The following KALRN variants were observed in gnomAD, a reference collection of about 807,000 sequenced individuals.
KALRN encodes the protein kalirin.
In KALRN, 70 loss-of-function variants were observed where a neutral mutation model predicts 353.7. That is an observed-to-expected ratio of 0.20 (90% confidence interval 0.16 to 0.24). KALRN has a LOEUF of 0.24. Ranked by LOEUF, KALRN falls within the 10% of genes least tolerant of loss-of-function variation. The pLI is 1.00. For missense variants in KALRN, 2,791 were observed against 3,756.7 expected (o/e 0.74, Z 6.72); for synonymous variants, 1,391 against 1,434.8 (o/e 0.97, Z 0.69).
chr3:124,593,683 A>G (rs528560513), intron 34 of KALRN, among the ~76,000 whole-genome samples: 4 of 152,186 alleles, frequency 2.6e-5, no homozygotes, highest in Non-Finnish European at 5.9e-5. Context: ...GAGACATTGT[A>G]GAGGCCCATT....
chr3:124,114,545 A>G (rs760377313), intron 1 of KALRN, among the ~76,000 whole-genome samples: 2 of 152,142 alleles, frequency 1.3e-5, no homozygotes, highest in Admixed American at 6.5e-5. Context: ...TGGCACTTGG[A>G]ATATTGGGGA....
At position 124,719,724 on chromosome 3, in the gene KALRN, G is replaced by T; in HGVS notation, c.*254G>T. 2.4e-6 allele frequency: 1 copy of T among 423,320 alleles called. No homozygotes were observed. Among genetic ancestry groups the T allele is most frequent in the Non-Finnish European group, 4.3e-6 (1 of 234,528 alleles). The allele number at this position is 423,320 out of a possible 1,614,324, so 26.2% of individuals were successfully genotyped here. On this transcript the variant is annotated 3_prime_UTR_variant, in exon 60 of 60. Coordinates refer to ENST00000682506, the MANE Select transcript of KALRN (RefSeq NM_001388419.1). The surrounding 1 kb of genome is among the most constrained non-coding windows in gnomAD (Gnocchi z 5.3). Reference sequence around the variant, plus strand: ...GGGTCACAGAAGTGTTCAGAAGAAGGGCAAAGATAAGAACAATATTAGCTG... The same window carrying T: ...GGGTCACAGAAGTGTTCAGAAGAAGTGCAAAGATAAGAACAATATTAGCTG...
intron 17 of KALRN, among the ~76,000 whole-genome samples, chr3:124,435,088 G>C (rs1221228409): frequency 6.6e-6 from 1 of 152,188 alleles, no homozygotes; most frequent in Non-Finnish European, 1.5e-5. Context: ...GTCTTTGCTT[G>C]TGTCATATTC....
intron 35 of KALRN, 148 bp from the exon 36 acceptor site, chr3:124,633,704 T>C (rs1474595406): frequency 1.6e-6 from 1 of 625,902 alleles, no homozygotes. Context: ...GGTGTATCCA[T>C]GTATCAAAAG....
chr3:124,455,029 C>G, intron 21 of KALRN, 148 bp from the exon 22 acceptor site: 1 of 731,908 alleles, frequency 1.4e-6, no homozygotes, highest in Non-Finnish European at 2.2e-6. Flanking sequence ...CTCGAGATCT[C>G]CCAGTTAGTA....
chr3:124,158,684 C>T (rs557688601), intron 1 of KALRN, among the ~76,000 whole-genome samples: 5 of 152,196 alleles, frequency 3.3e-5, no homozygotes, highest in African/African-American at 1.2e-4. Context: ...CCTCCTCCCC[C>T]CACCACCCGC....
intron 1 of KALRN, among the ~76,000 whole-genome samples, chr3:124,085,075 T>A (rs982389907): frequency 6.6e-6 from 1 of 152,178 alleles, no homozygotes; most frequent in African/African-American, 2.4e-5. Flanking sequence ...TTCCCCCACC[T>A]GATGCATAAA....
At chr3:124,653,946 A>C (rs1006251818) in intron 38 of KALRN, among the ~76,000 whole-genome samples, 20 of 152,170 alleles carry the variant, frequency 1.3e-4, no homozygotes, top group African/African-American at 4.6e-4. Flanking sequence ...TTAACCCTTC[A>C]AGGGAAGAGA....
At chr3:124,182,421 G>A (rs1201998679) in intron 1 of KALRN, among the ~76,000 whole-genome samples, 1 of 152,196 alleles carries the variant, frequency 6.6e-6, no homozygotes, top group Non-Finnish European at 1.5e-5. Flanking sequence ...TTGGGGCTGA[G>A]GGTCTCAGTT....
intron 34 of KALRN, among the ~76,000 whole-genome samples, chr3:124,574,644 A>G (rs2073904652): frequency 6.6e-6 from 1 of 152,214 alleles, no homozygotes; most frequent in Non-Finnish European, 1.5e-5. Flanking sequence ...TACCCCAGCA[A>G]ACAGAATGTT....
At position 124,645,737 on chromosome 3, in the gene KALRN, C is replaced by T. The variant is rs75570092; in HGVS notation, c.5665-5071C>T. Among the ~76,000 whole-genome samples, 1,099 of 151,844 alleles carry T rather than the reference C, an allele frequency of 7.2e-3. 17 individuals are homozygous for T. Among genetic ancestry groups the T allele is most frequent in the African/African-American group, 0.024 (1,013 of 41,394 alleles). The stretch of plus-strand genomic sequence containing the variant: ...AACACTTAGGGGTTTCCATAGCATA[C>T]TATTGTAAATAATACTGCAATGAAC... On this transcript the variant is annotated intron_variant, in intron 37 of 59. Coordinates refer to ENST00000682506, the MANE Select transcript of KALRN (RefSeq NM_001388419.1).
At chr3:124,348,961 C>T (rs1272178202) in intron 10 of KALRN, among the ~76,000 whole-genome samples, 1 of 152,150 alleles carries the variant, frequency 6.6e-6, no homozygotes, top group Non-Finnish European at 1.5e-5. Flanking sequence ...TCAAGTGATC[C>T]ACCCACCTCA....
chr3:124,447,623 A>G (rs1412867075), intron 21 of KALRN, among the ~76,000 whole-genome samples: 1 of 152,174 alleles, frequency 6.6e-6, no homozygotes, highest in Non-Finnish European at 1.5e-5. Flanking sequence ...TCACTTCCAC[A>G]CAAAACATAT....
intron 1 of KALRN, among the ~76,000 whole-genome samples, chr3:124,098,808 A>G (rs1478159061): frequency 6.6e-6 from 1 of 152,246 alleles, no homozygotes; most frequent in African/African-American, 2.4e-5. Context: ...AAGCATAAGT[A>G]AAAAAGAGTC....
At chr3:124,628,129 T>C (rs1341738409) in intron 34 of KALRN, among the ~76,000 whole-genome samples, 6 of 145,766 alleles carry the variant, frequency 4.1e-5, no homozygotes, top group African/African-American at 7.6e-5. Context: ...TCCATTCACC[T>C]TTCCTTCCAT....
intron 6 of KALRN, among the ~76,000 whole-genome samples, chr3:124,325,703 A>T (rs886255600): frequency 1.3e-5 from 2 of 152,204 alleles, no homozygotes; most frequent in Non-Finnish European, 2.9e-5. Flanking sequence ...AAGATTACAT[A>T]AAGTAGTCCA....
At chr3:124,340,186 G>C (rs573580916) in intron 9 of KALRN, among the ~76,000 whole-genome samples, 87 of 152,300 alleles carry the variant, frequency 5.7e-4, no homozygotes, top group African/African-American at 2.1e-3. Context: ...GGTGATGAGT[G>C]AGTGGAGAGC....
chr3:124,699,701 G>A (rs1026537640), intron 55 of KALRN, among the ~76,000 whole-genome samples, 168 bp from the exon 56 acceptor site: 1 of 152,194 alleles, frequency 6.6e-6, no homozygotes, highest in Non-Finnish European at 1.5e-5. Flanking sequence ...TTAGGAAACC[G>A]AATCCAAACT....
intron 6 of KALRN, among the ~76,000 whole-genome samples, chr3:124,305,477 A>G (rs924199967): frequency 3.3e-5 from 5 of 152,234 alleles, no homozygotes; most frequent in Admixed American, 2.6e-4. Context: ...GTTGAAAACA[A>G]TAGAGCAATC....
Sources: allele counts gnomAD v4.1 joint callset (sites outside exome capture counted in the v4.1 genomes callset), GRCh38; gene constraint gnomAD v4.1.1; non-coding constraint Gnocchi (gnomAD v3.1); transcripts MANE v1.5; gene names NCBI Gene and HGNC (gene_info 2026-07-23, HGNC 2026-07-21).